Variants in MYO16 observed in about 807,000 individuals in gnomAD.
The protein encoded by MYO16 is myosin XVI, also known as unconventional myosin-XVI.
In MYO16, 94 loss-of-function variants were observed where a neutral mutation model predicts 205.3. That is an observed-to-expected ratio of 0.46 (90% CI 0.39 to 0.54). The LOEUF (loss-of-function observed/expected upper bound fraction) is 0.54, where lower values mean the gene tolerates loss of function less well. MYO16 is among the 20% of genes least tolerant of loss of function. The probability of loss-of-function intolerance (pLI) is 0.00; values close to 1 mark genes in which losing one functional copy is unlikely to be tolerated. For synonymous variants in MYO16, 988 were observed against 954.0 expected (o/e 1.04, Z -0.66); for missense variants, 2,315 against 2,387.5 (o/e 0.97, Z 0.63).
At chr13:108,887,119 G>A (rs1879938326) in intron 13 of MYO16, among the ~76,000 whole-genome samples, 1 of 152,088 alleles carries the variant, frequency 6.6e-6, no homozygotes, top group African/African-American at 2.4e-5. Context: ...CAATCAAAAC[G>A]CAAGTAGTCC....
At chr13:108,657,308 C>A (rs369140504) in intron 1 of MYO16, among the ~76,000 whole-genome samples, 10 of 152,214 alleles carry the variant, frequency 6.6e-5, no homozygotes, top group African/African-American at 2.4e-4. Context: ...GTCTATTCCT[C>A]TACCAAAGCC....
intron 12 of MYO16, among the ~76,000 whole-genome samples, chr13:108,867,102 G>A (rs1878757707): frequency 2.0e-5 from 3 of 152,082 alleles, no homozygotes; most frequent in East Asian, 3.9e-4. Flanking sequence ...CTAGCACTTT[G>A]GAGGACCAAG....
chr13:108,659,021 G>T (rs574033804), intron 1 of MYO16, among the ~76,000 whole-genome samples: 1 of 151,188 alleles, frequency 6.6e-6, no homozygotes, highest in East Asian at 1.9e-4. Context: ...ATGACATGGG[G>T]CATTTCCGGT....
intron 33 of MYO16, among the ~76,000 whole-genome samples, chr13:109,176,059 A>C (rs1276538034): frequency 2.0e-5 from 3 of 152,224 alleles, no homozygotes; most frequent in Non-Finnish European, 2.9e-5. Flanking sequence ...AAATGGATAA[A>C]AATGGATAAA....
At chr13:108,973,153 T>C (rs762165810) in intron 20 of MYO16, among the ~76,000 whole-genome samples, 3 of 152,026 alleles carry the variant, frequency 2.0e-5, no homozygotes, top group Non-Finnish European at 4.4e-5. Context: ...TCTGGAGCCT[T>C]AGTTTTTTTG....
intron 31 of MYO16, among the ~76,000 whole-genome samples, chr13:109,137,498 G>C (rs1423715460): frequency 2.6e-5 from 4 of 152,162 alleles, no homozygotes; most frequent in Non-Finnish European, 5.9e-5. Context: ...CTTTCTAGAA[G>C]CTCAGGGGCT....
chr13:108,622,602 A>T (rs1293170568), intron 1 of MYO16, among the ~76,000 whole-genome samples: 1 of 147,224 alleles, frequency 6.8e-6, no homozygotes, highest in Non-Finnish European at 1.5e-5. Flanking sequence ...TGAAGTATGG[A>T]GAGAGAGACA....
chr13:108,751,424 T>C (rs1885235254), intron 4 of MYO16, among the ~76,000 whole-genome samples: 1 of 152,116 alleles, frequency 6.6e-6, no homozygotes, highest in Non-Finnish European at 1.5e-5. Context: ...TACTTAAATA[T>C]GAAATAAATA....
At chr13:108,597,444 T>C (rs1878602315) in intron 1 of MYO16, among the ~76,000 whole-genome samples, 1 of 152,184 alleles carries the variant, frequency 6.6e-6, no homozygotes, top group Admixed American at 6.5e-5. Context: ...CTTATTGATA[T>C]CCTGCTATTA....
intron 20 of MYO16, among the ~76,000 whole-genome samples, chr13:108,977,977 T>C (rs1379722305): frequency 1.3e-5 from 2 of 152,144 alleles, no homozygotes; most frequent in Admixed American, 1.3e-4. Flanking sequence ...TATTTCAACA[T>C]TTATTATTGT....
chr13:109,077,035 A>G (rs1271383603), intron 27 of MYO16, among the ~76,000 whole-genome samples: 1 of 143,294 alleles, frequency 7.0e-6, no homozygotes, highest in Non-Finnish European at 1.5e-5. Flanking sequence ...TCTGTCGCCC[A>G]GGCTGAAGTA....
intron 32 of MYO16, among the ~76,000 whole-genome samples, chr13:109,147,293 C>T (rs181024213): frequency 6.6e-6 from 1 of 152,212 alleles, no homozygotes; most frequent in African/African-American, 2.4e-5. Flanking sequence ...TGTTTCTATG[C>T]CAAATCAAGT....
intron 29 of MYO16, among the ~76,000 whole-genome samples, chr13:109,122,235 C>G (rs1186502351): frequency 6.6e-6 from 1 of 152,170 alleles, no homozygotes; most frequent in Non-Finnish European, 1.5e-5. Flanking sequence ...CTGAAAACTT[C>G]CCTTAAATAT....
intron 16 of MYO16, among the ~76,000 whole-genome samples, chr13:108,952,066 A>G (rs1472383514): frequency 6.6e-6 from 1 of 151,992 alleles, no homozygotes; most frequent in Admixed American, 6.6e-5. Flanking sequence ...AGCTGAGATC[A>G]TGCCATTGCA....
At chr13:109,132,630 C>A (rs1214004938) in intron 31 of MYO16, among the ~76,000 whole-genome samples, 1 of 152,114 alleles carries the variant, frequency 6.6e-6, no homozygotes, top group African/African-American at 2.4e-5. Flanking sequence ...TCGAGAAGTA[C>A]CCTTGAAATG....
chr13:108,926,257 C>T (rs980032370), intron 16 of MYO16, among the ~76,000 whole-genome samples: 1 of 152,184 alleles, frequency 6.6e-6, no homozygotes, highest in Non-Finnish European at 1.5e-5. Flanking sequence ...ACCAAGGAGT[C>T]TGTTGCACAG....
chr13:108,560,850 T>A, the MYO16 span, among the ~76,000 whole-genome samples: 2 of 152,216 alleles, frequency 1.3e-5, no homozygotes, highest in Admixed American at 1.3e-4. Context: ...TTTAGGACTT[T>A]AGGAGCCTAT....
chr13:108,818,598 A>G (rs1052958128), intron 7 of MYO16, among the ~76,000 whole-genome samples: 10 of 152,180 alleles, frequency 6.6e-5, no homozygotes, highest in Non-Finnish European at 5.9e-5. Flanking sequence ...TCTTGTAAGC[A>G]TTAATGAGAT....
At chr13:108,739,522 G>A (rs996186707) in intron 4 of MYO16, among the ~76,000 whole-genome samples, 3 of 152,144 alleles carry the variant, frequency 2.0e-5, no homozygotes, top group Non-Finnish European at 4.4e-5. Context: ...AGTCTGATAG[G>A]CTTCCCTTTG....
Sources: gnomAD v4.1 joint callset for allele counts (sites outside exome capture counted in the v4.1 genomes callset) on GRCh38, gnomAD v4.1.1 for gene constraint, MANE v1.5 for transcripts, NCBI Gene and HGNC (gene_info 2026-07-23, HGNC 2026-07-21) for gene names.